Variants in RILPL1 observed in about 807,000 individuals in gnomAD.
RILPL1 encodes Rab interacting lysosomal protein like 1.
Under a neutral mutation model 50.3 loss-of-function variants are expected in RILPL1, and 33 were observed. The ratio of observed to expected loss-of-function variants is 0.66; its 90% CI spans 0.50 to 0.88. RILPL1 has a LOEUF of 0.88. Among genes scored for constraint, RILPL1 ranks in the 40% least tolerant of loss-of-function variants. The probability of loss-of-function intolerance (pLI) is 0.00; values close to 1 mark genes in which losing one functional copy is unlikely to be tolerated. For missense variants in RILPL1, 418 were observed against 542.5 expected (o/e 0.77, Z 2.28); for synonymous variants, 205 against 228.6 (o/e 0.90, Z 0.93).
chr12:123,510,461 G>T (rs1305476703), intron 2 of RILPL1, among the ~76,000 whole-genome samples: 1 of 144,550 alleles, frequency 6.9e-6, no homozygotes, highest in Non-Finnish European at 1.5e-5. Flanking sequence ...TGTGAATGTG[G>T]GGTCTGTGTG....
intron 2 of RILPL1, among the ~76,000 whole-genome samples, chr12:123,517,215 G>C (rs1884751509): frequency 6.6e-6 from 1 of 152,254 alleles, no homozygotes; most frequent in African/African-American, 2.4e-5. Context: ...ACAGCCCCCA[G>C]AGGCAAGGAA....
At chr12:123,530,308 G>A (rs1359491123) in intron 1 of RILPL1, among the ~76,000 whole-genome samples, 1 of 152,094 alleles carries the variant, frequency 6.6e-6, no homozygotes, top group African/African-American at 2.4e-5. Context: ...TGGGATTATA[G>A]GCACTCGCCA....
In RILPL1 at chr12:123,523,991, A is replaced by G. The variant is rs546673218; in HGVS notation, c.310-346T>C. ...CGAACGTTCCTAACCTCTGGGGGGC[A>G]CACCCCCTGATCTCTGGACAGACAG... On this transcript the variant is annotated intron_variant, in intron 1 of 6. Transcript: ENST00000376874. Among the ~76,000 whole-genome samples the G allele has an allele frequency of 2.6e-5, 4 of 152,338 alleles. No individual in the cohort carries two copies. In the East Asian group the frequency reaches 7.7e-4, roughly 29 times the overall value.
At chr12:123,517,471 A>G (rs1593596521) in intron 2 of RILPL1, among the ~76,000 whole-genome samples, 1 of 137,788 alleles carries the variant, frequency 7.3e-6, no homozygotes. Context: ...CCCAGGCTGG[A>G]GCGCAGCGGT....
chr12:123,478,266 G>A (rs1881734208), intron 6 of RILPL1, among the ~76,000 whole-genome samples: 1 of 151,918 alleles, frequency 6.6e-6, no homozygotes, highest in South Asian at 2.1e-4. Flanking sequence ...CTCCCAAAGT[G>A]TTGGGATTAC....
chr12:123,520,874 G>A (rs546161319), intron 2 of RILPL1, among the ~76,000 whole-genome samples: 6 of 152,248 alleles, frequency 3.9e-5, no homozygotes, highest in South Asian at 4.1e-4. Context: ...ACACCACGGC[G>A]GATCAATCCA....
chr12:123,505,484 G>T (rs1883686244), intron 2 of RILPL1, among the ~76,000 whole-genome samples: 1 of 151,838 alleles, frequency 6.6e-6, no homozygotes, highest in East Asian at 1.9e-4. Context: ...CACCACACTT[G>T]GCTAATTAAA....
In RILPL1 at chr12:123,480,661, G is replaced by A. The variant is rs575006146; in HGVS notation, c.1067+3519C>T. On this transcript the variant is annotated intron_variant, in intron 6 of 6. Transcript: ENST00000376874. ...CTGCTCATCCTCACATAGGAGTGGGGCTGGCGAGTGAGTTGGAGTTTAAGC... is the reference window on the plus strand; with the variant it reads ...CTGCTCATCCTCACATAGGAGTGGGACTGGCGAGTGAGTTGGAGTTTAAGC... 6.6e-5 allele frequency among the ~76,000 whole-genome samples: 10 copies of A among 152,022 alleles called. No individual in the cohort carries two copies. In the South Asian group the frequency reaches 1.9e-3, roughly 28 times the overall value.
At chr12:123,518,417 G>A (rs1259370993) in intron 2 of RILPL1, 2 of 363,722 alleles carry the variant, frequency 5.5e-6, no homozygotes, top group Non-Finnish European at 1.1e-5. Context: ...TGAGGTGGGA[G>A]AATCTTTTGA....
intron 2 of RILPL1, among the ~76,000 whole-genome samples, chr12:123,506,515 TGTATGCACATGACATGGCTGGA>T (rs1264890142): frequency 3.9e-5 from 6 of 152,092 alleles, no homozygotes; most frequent in African/African-American, 1.4e-4. Context: ...GGGCGTCCTC[TGTATGCACATGACATGGCTGGA>T]GGGAAAGGAC....
chr12:123,494,532 A>G (rs1197484900), intron 4 of RILPL1, among the ~76,000 whole-genome samples: 1 of 152,112 alleles, frequency 6.6e-6, no homozygotes, highest in Non-Finnish European at 1.5e-5. Flanking sequence ...CAGCGCTGGG[A>G]GTCTCGATGT....
intron 2 of RILPL1, among the ~76,000 whole-genome samples, chr12:123,501,578 T>C (rs771924496): frequency 2.0e-5 from 3 of 151,698 alleles, no homozygotes; most frequent in African/African-American, 7.3e-5. Flanking sequence ...TGGCCAACAC[T>C]GTGAAACCCC....
At chr12:123,486,823 C>T (rs148452129) in intron 4 of RILPL1, among the ~76,000 whole-genome samples, 2,346 of 142,460 alleles carry the variant, frequency 0.016, 49 homozygotes, top group East Asian at 0.062. Flanking sequence ...TTTTTTGAGA[C>T]GGAATCTCTC....
intron 2 of RILPL1, among the ~76,000 whole-genome samples, chr12:123,512,928 C>CTG (rs1210029512): frequency 1.7e-4 from 14 of 81,172 alleles, no homozygotes; most frequent in Non-Finnish European, 2.6e-4. Context: ...GTGGTGACAT[C>CTG]TGTGTGTGTG....
chr12:123,510,213 A>T (rs1884001717), intron 2 of RILPL1, among the ~76,000 whole-genome samples: 1 of 152,202 alleles, frequency 6.6e-6, no homozygotes, highest in Non-Finnish European at 1.5e-5. Context: ...CCTGTGAGGG[A>T]TTCCCGGGCC....
intron 1 of RILPL1, among the ~76,000 whole-genome samples, chr12:123,532,276 A>C (rs1885462002): frequency 6.6e-6 from 1 of 152,214 alleles, no homozygotes; most frequent in African/African-American, 2.4e-5. Flanking sequence ...TTAGGGCAGG[A>C]AACCACATGT....
At chr12:123,531,475 C>A (rs573491178) in intron 1 of RILPL1, among the ~76,000 whole-genome samples, 1 of 152,068 alleles carries the variant, frequency 6.6e-6, no homozygotes, top group Non-Finnish European at 1.5e-5. Context: ...TAATAAGAGG[C>A]GCCACACGAG....
intron 2 of RILPL1, among the ~76,000 whole-genome samples, chr12:123,519,063 AAAAAAAAAAAAG>A (rs1884876437): frequency 1.4e-5 from 2 of 147,130 alleles, no homozygotes; most frequent in South Asian, 2.3e-4. Flanking sequence ...TCTCAAAAAA[AAAAAAAAAAAAG>A]AAAAGAAAAA....
intron 2 of RILPL1, among the ~76,000 whole-genome samples, chr12:123,504,162 C>T (rs1439558500): frequency 4.6e-5 from 7 of 152,144 alleles, no homozygotes; most frequent in African/African-American, 1.2e-4. Flanking sequence ...ACACCTGCTC[C>T]GTGAAGCCTG....
Sources: gnomAD v4.1 joint callset for allele counts (sites outside exome capture counted in the v4.1 genomes callset) on GRCh38, gnomAD v4.1.1 for gene constraint, MANE v1.5 for transcripts, NCBI Gene and HGNC (gene_info 2026-07-23, HGNC 2026-07-21) for gene names.